The following ASH1L variants were observed in gnomAD, a reference collection of about 807,000 sequenced individuals.
ASH1L encodes the protein ASH1 like histone lysine methyltransferase.
Under a neutral mutation model 269.0 loss-of-function variants are expected in ASH1L, and 23 were observed. That is an observed-to-expected ratio of 0.09 (90% CI 0.06 to 0.12). ASH1L has a LOEUF of 0.12. Among genes scored for constraint, ASH1L ranks in the 10% least tolerant of loss-of-function variants. The pLI, the probability that ASH1L is intolerant of heterozygous loss-of-function variation, is 1.00. For missense variants in ASH1L, 2,912 were observed against 3,567.8 expected (o/e 0.82, Z 4.68); for synonymous variants, 1,187 against 1,253.5 (o/e 0.95, Z 1.12).
chr1:155,531,945 G>C (rs1669700348), intron 1 of ASH1L, among the ~76,000 whole-genome samples: 1 of 152,186 alleles, frequency 6.6e-6, no homozygotes, highest in Non-Finnish European at 1.5e-5. Context: ...AATGTTCATT[G>C]AGAATATCAT....
chr1:155,427,693 C>A (rs1319335778), intron 5 of ASH1L, among the ~76,000 whole-genome samples: 1 of 152,164 alleles, frequency 6.6e-6, no homozygotes, highest in Non-Finnish European at 1.5e-5. Flanking sequence ...CCCACCTCGG[C>A]CTCCCAAATT....
chr1:155,368,653 C>A (rs1655655463), intron 12 of ASH1L, among the ~76,000 whole-genome samples: 1 of 152,060 alleles, frequency 6.6e-6, no homozygotes, highest in Non-Finnish European at 1.5e-5. Context: ...GATGGGGTTT[C>A]ACCGTCTTGG....
At chr1:155,441,978 GCTGGTCTCAAACTC>G (rs1662617649) in intron 4 of ASH1L, among the ~76,000 whole-genome samples, 2 of 151,860 alleles carry the variant, frequency 1.3e-5, no homozygotes, top group Non-Finnish European at 2.9e-5. Context: ...TGTTGCCTAG[GCTGGTCTCAAACTC>G]CTGAGCTCAA....
chr1:155,443,783 T>C (rs1003547111), intron 4 of ASH1L, among the ~76,000 whole-genome samples: 1 of 152,192 alleles, frequency 6.6e-6, no homozygotes, highest in African/African-American at 2.4e-5. Flanking sequence ...TCCTTTTTAC[T>C]ATTCACATAT....
intron 7 of ASH1L, among the ~76,000 whole-genome samples, chr1:155,393,805 G>A (rs1310248247): frequency 6.6e-6 from 1 of 152,018 alleles, no homozygotes; most frequent in Non-Finnish European, 1.5e-5. Context: ...ACCTGCCTAG[G>A]TCTCCCAAAC....
At chr1:155,502,726 G>A (rs1412200173) in intron 2 of ASH1L, among the ~76,000 whole-genome samples, 1 of 152,176 alleles carries the variant, frequency 6.6e-6, no homozygotes, top group African/African-American at 2.4e-5. Context: ...GGATGTCTAA[G>A]CTGAGTCTTT....
intron 1 of ASH1L, among the ~76,000 whole-genome samples, chr1:155,537,474 G>A (rs1670134275): frequency 6.6e-6 from 1 of 152,222 alleles, no homozygotes; most frequent in South Asian, 2.1e-4. Flanking sequence ...TGGGCAAACA[G>A]GCTTCGAAAC....
intron 6 of ASH1L, among the ~76,000 whole-genome samples, chr1:155,404,341 T>C (rs969805278): frequency 6.6e-6 from 1 of 151,844 alleles, no homozygotes; most frequent in Non-Finnish European, 1.5e-5. Context: ...GGATGAGAGG[T>C]AGACTCTGTC....
At position 155,523,692 on chromosome 1, in the gene ASH1L, C is replaced by T. The variant is rs185183037; in HGVS notation, c.-99-2074G>A. On this transcript the variant is annotated intron_variant, in intron 1 of 27. Coordinates refer to ENST00000392403, the MANE Select transcript of ASH1L (RefSeq NM_018489.3). ...TTCGAGTCTAGCCTGGTCAACATGT[C>T]GAAACCCGTCTCTACTAAAAGTACA... 2.6e-5 allele frequency among the ~76,000 whole-genome samples: 4 copies of T among 152,160 alleles called. No homozygotes were observed. The East Asian group carries it at 5.8e-4, about 22-fold the overall frequency.
At chr1:155,415,621 G>A in intron 6 of ASH1L, 123 bp downstream of exon 6, 1 of 1,144,378 alleles carries the variant, frequency 8.7e-7, no homozygotes, top group Non-Finnish European at 1.3e-6. Flanking sequence ...TCATACATGA[G>A]TGCAAAAACA....
chr1:155,415,819 T>C lies in ASH1L; in HGVS notation c.5933A>G (p.Glu1978Gly). The change falls in exon 6 of 28, where the codon GAA becomes GGA. Residue 1978 changes from glutamate to glycine, a missense_variant. Glu to Gly is a moderately conservative substitution (Grantham distance 98). Around this residue, in one of 13 missense-constraint regions of ASH1L, gnomAD observed 193 missense variants for 311.6 expected, o/e 0.62. Coordinates refer to ENST00000392403, the MANE Select transcript of ASH1L (RefSeq NM_018489.3). Reference sequence around the variant, plus strand: ...CTTTGGGGGACGTGGGGGCTTCTTTTCCCTTGGGATGAGAGAAAGCACAGG... The same window carrying C: ...CTTTGGGGGACGTGGGGGCTTCTTTCCCCTTGGGATGAGAGAAAGCACAGG... ...LQPVLSLIPREKKPPRPPKKK... is the reference protein window; with the variant it reads ...LQPVLSLIPRGKKPPRPPKKK... 1 of 1,614,032 alleles carries C rather than the reference T, an allele frequency of 6.2e-7. No individual in the cohort carries two copies. The highest frequency in any genetic ancestry group is 8.5e-7 in the Non-Finnish European group (1 of 1,180,022).
In ASH1L at chr1:155,562,750, C is replaced by T; in HGVS notation, c.-697G>A. On this transcript the variant is annotated 5_prime_UTR_variant, in exon 1 of 28. Transcript: ENST00000392403. ...TCACTACCCCTCAGGCCCTGTCAAG[C>T]CGGCGCCGGCGCAGGCCCTCACGCG... 8.6e-7 allele frequency: 1 copy of T among 1,159,870 alleles called. No individual in the cohort carries two copies. The highest frequency in any genetic ancestry group is 1.2e-6 in the Non-Finnish European group (1 of 814,342). 71.8% of individuals were successfully genotyped at this position (1,159,870 alleles called of 1,614,324 possible).
At chr1:155,376,919 G>A (rs1028066483) in intron 10 of ASH1L, among the ~76,000 whole-genome samples, 1 of 147,882 alleles carries the variant, frequency 6.8e-6, no homozygotes, top group African/African-American at 2.5e-5. Context: ...CTTTTTTTTT[G>A]GGGGGGAGAT....
chr1:155,484,068 A>G (rs188825351), intron 2 of ASH1L, among the ~76,000 whole-genome samples: 1 of 152,340 alleles, frequency 6.6e-6, no homozygotes, highest in African/African-American at 2.4e-5. Context: ...GACTTATGGG[A>G]AAGTAAACAG....
chr1:155,463,285 C>T (rs1664435329), intron 3 of ASH1L, among the ~76,000 whole-genome samples: 1 of 151,764 alleles, frequency 6.6e-6, no homozygotes, highest in Non-Finnish European at 1.5e-5. Context: ...AGTAAAGCAT[C>T]CTTGGGTTTG....
intron 1 of ASH1L, among the ~76,000 whole-genome samples, chr1:155,529,983 A>T (rs867775488): frequency 2.7e-5 from 4 of 147,404 alleles, no homozygotes; most frequent in East Asian, 3.9e-4. Flanking sequence ...TAAAAAAAAT[A>T]AAAAAAAAAG....
At chr1:155,411,046 A>G (rs916888904) in intron 6 of ASH1L, among the ~76,000 whole-genome samples, 3 of 152,264 alleles carry the variant, frequency 2.0e-5, no homozygotes, top group Non-Finnish European at 4.4e-5. Flanking sequence ...ATATCAATGT[A>G]GGTACATGGA....
Position 155,480,637 on chromosome 1 carries a change from C to A in ASH1L, c.2233G>T (p.Val745Phe). ...CTATTTGATAGTGAGCTACATGAAACGTTTTTAAAAAGCTCTGATCTTTCT... is the reference window on the plus strand; with the variant it reads ...CTATTTGATAGTGAGCTACATGAAAAGTTTTTAAAAAGCTCTGATCTTTCT... ...ELERSELFKN[V>F]SCSSLSNSNS... is the part of the protein sequence containing the mutation. The change falls in exon 3 of 28, where the codon GTT becomes TTT. Residue 745 changes from valine to phenylalanine, a missense_variant. Transcript: ENST00000392403. 3 of 1,614,018 alleles carry A rather than the reference C, an allele frequency of 1.9e-6. No homozygotes were observed. The highest frequency in any genetic ancestry group is 2.5e-6 in the Non-Finnish European group (3 of 1,179,992).
intron 6 of ASH1L, among the ~76,000 whole-genome samples, chr1:155,410,169 T>C (rs972242519): frequency 6.6e-6 from 1 of 152,124 alleles, no homozygotes; most frequent in African/African-American, 2.4e-5. Context: ...CTTTGTCACT[T>C]AGGCTGGAAT....
Sources: gnomAD v4.1 joint callset for allele counts (sites outside exome capture counted in the v4.1 genomes callset) on GRCh38, gnomAD v4.1.1 for gene constraint, gnomAD v4.1.1 regional missense constraint, MANE v1.5 for transcripts, NCBI Gene and HGNC (gene_info 2026-07-23, HGNC 2026-07-21) for gene names.